The following HABP2 variants were observed in gnomAD, a reference collection of about 807,000 sequenced individuals.
HABP2 encodes the protein hyaluronan binding protein 2.
Under a neutral mutation model 66.5 loss-of-function variants are expected in HABP2, and 65 were observed. That is an observed-to-expected ratio of 0.98 (90% CI 0.80 to 1.20). The LOEUF (loss-of-function observed/expected upper bound fraction) is 1.20, where lower values mean the gene tolerates loss of function less well. HABP2 is among the 50% of genes most tolerant of loss of function. The pLI is 0.00. For missense variants in HABP2, 786 were observed against 691.0 expected, an observed-to-expected ratio of 1.14 and a Z score of -1.54; for synonymous variants, 263 against 253.9, an observed-to-expected ratio of 1.04 and a Z score of -0.34.
At chr10:113,579,777 GTTTGTT>G (rs1416471734) in intron 7 of HABP2, among the ~76,000 whole-genome samples, 2 of 149,696 alleles carry the variant, frequency 1.3e-5, no homozygotes, top group African/African-American at 2.4e-5. Context: ...TTTTTTGTTT[GTTTGTT>G]TTTGTTTTTG....
intron 1 of HABP2, among the ~76,000 whole-genome samples, chr10:113,553,817 A>G (rs1844942833): frequency 6.6e-6 from 1 of 152,174 alleles, no homozygotes; most frequent in African/African-American, 2.4e-5. Context: ...CCCATCAGAG[A>G]GTCTTGAACG....
intron 8 of HABP2, among the ~76,000 whole-genome samples, chr10:113,581,629 C>T (rs1250338928): frequency 6.6e-6 from 1 of 152,230 alleles, no homozygotes. Context: ...TCTTAGGAGT[C>T]ACATACTTTG....
intron 11 of HABP2, 117 bp from the exon 12 acceptor site, chr10:113,585,676 C>A: frequency 1.3e-6 from 1 of 756,872 alleles, no homozygotes; most frequent in Non-Finnish European, 2.3e-6. Flanking sequence ...CCTGGAAAAA[C>A]CCTTCCCTTC....
intron 2 of HABP2, among the ~76,000 whole-genome samples, chr10:113,567,907 A>G (rs1845229767): frequency 6.6e-6 from 1 of 152,254 alleles, no homozygotes; most frequent in Non-Finnish European, 1.5e-5. Context: ...GCATGGCTCC[A>G]GGCAGGCCGC....
intron 7 of HABP2, among the ~76,000 whole-genome samples, chr10:113,580,340 T>C (rs1447887809): frequency 6.6e-6 from 1 of 152,250 alleles, no homozygotes; most frequent in East Asian, 1.9e-4. Context: ...TAATTTGGTA[T>C]GTCCTGTGGA....
At chr10:113,560,609 G>A (rs1288580206) in intron 1 of HABP2, among the ~76,000 whole-genome samples, 1 of 152,214 alleles carries the variant, frequency 6.6e-6, no homozygotes, top group Non-Finnish European at 1.5e-5. Flanking sequence ...GCCAAAAGGT[G>A]TAAATGACCC....
intron 1 of HABP2, among the ~76,000 whole-genome samples, chr10:113,561,811 C>T (rs1474596991): frequency 2.0e-5 from 3 of 152,124 alleles, no homozygotes; most frequent in African/African-American, 7.2e-5. Context: ...TTTTGGAATT[C>T]TGGAAGGCAG....
intron 5 of HABP2, 49 bp from the exon 6 acceptor site, chr10:113,577,977 C>A: frequency 6.2e-7 from 1 of 1,602,574 alleles, no homozygotes; most frequent in Admixed American, 1.7e-5. Context: ...CAGACATGGG[C>A]TGCAACTCCT....
At chr10:113,576,091 T>A in intron 4 of HABP2, 87 bp downstream of exon 4, 2 of 771,632 alleles carry the variant, frequency 2.6e-6, no homozygotes, top group South Asian at 3.1e-5. Context: ...CGCAATGCCA[T>A]GGAAAGGATT....
chr10:113,588,840 G>GTTAT lies in HABP2; in HGVS notation c.*473_*476dup, dbSNP rs1418691327. 1.4e-6 allele frequency: 1 copy of GTTAT among 699,894 alleles called. No homozygotes were observed. The highest frequency in any genetic ancestry group is 1.8e-5 in the African/African-American group (1 of 56,200). The allele number at this position is 699,894 out of a possible 1,614,324, so 43.4% of individuals were successfully genotyped here. A position where few individuals can be genotyped will look rare whatever the true frequency, so the allele number is the denominator to read the frequency against. Reference sequence around the variant, plus strand: ...ACAACATTCTCCATCTGCTTTCAGAGTTATTATTTTAATAAAGGAAGATCT... The same window carrying GTTAT: ...ACAACATTCTCCATCTGCTTTCAGAGTTATTTATTATTTTAATAAAGGAAGATCT... On this transcript the variant is annotated 3_prime_UTR_variant, in exon 13 of 13. Transcript: ENST00000351270.
chr10:113,589,417 C>T lies in HABP2; in HGVS notation c.*1048C>T. On this transcript the variant is annotated 3_prime_UTR_variant, in exon 13 of 13. Coordinates refer to ENST00000351270, the MANE Select transcript of HABP2 (RefSeq NM_004132.5). ...CTGCCCTGGCCCGGGATTGATGTAGCCCCGGTAGGTTTGCCTCTGCAGAAC... is the reference window on the plus strand; with the variant it reads ...CTGCCCTGGCCCGGGATTGATGTAGTCCCGGTAGGTTTGCCTCTGCAGAAC... 1 of 586,262 alleles carries T rather than the reference C, an allele frequency of 1.7e-6. No individual in the cohort carries two copies. Among genetic ancestry groups the T allele is most frequent in the South Asian group, 2.2e-5 (1 of 46,044 alleles). The allele number at this position is 586,262 out of a possible 1,614,324, so 36.3% of individuals were successfully genotyped here.
intron 11 of HABP2, among the ~76,000 whole-genome samples, 192 bp from the exon 12 acceptor site, chr10:113,585,601 C>T (rs1342123879): frequency 6.6e-6 from 1 of 152,168 alleles, no homozygotes; most frequent in Non-Finnish European, 1.5e-5. Context: ...GTATCATGAC[C>T]AGCACAGGAT....
chr10:113,569,012 T>C (rs934255533), intron 2 of HABP2, among the ~76,000 whole-genome samples: 5 of 152,150 alleles, frequency 3.3e-5, no homozygotes, highest in African/African-American at 1.2e-4. Context: ...AATGTGCCCA[T>C]AGATTTATAG....
intron 1 of HABP2, among the ~76,000 whole-genome samples, chr10:113,553,925 G>A (rs991304318): frequency 6.6e-6 from 1 of 152,210 alleles, no homozygotes; most frequent in Non-Finnish European, 1.5e-5. Context: ...TGTGGGCATG[G>A]AAAGAGGACC....
upstream of HABP2, among the ~76,000 whole-genome samples, chr10:113,552,792 C>T (rs1844920436): frequency 6.6e-6 from 1 of 152,140 alleles, no homozygotes; most frequent in Non-Finnish European, 1.5e-5. Context: ...GGATGCTAGT[C>T]ACGCTGTCAG....
At chr10:113,584,352 A>G (rs1409963578) in intron 11 of HABP2, 70 bp downstream of exon 11, 1 of 1,350,832 alleles carries the variant, frequency 7.4e-7, no homozygotes, top group South Asian at 1.2e-5. Context: ...GCCAAACTCA[A>G]CTGCCCTTTT....
At chr10:113,567,072 A>C (rs988843443) in intron 1 of HABP2, among the ~76,000 whole-genome samples, 2 of 152,184 alleles carry the variant, frequency 1.3e-5, no homozygotes, top group African/African-American at 4.8e-5. Flanking sequence ...TCCGAGTCCA[A>C]ATTTTCTCAT....
At chr10:113,556,804 CTTTTTTT>C (rs66685949) in intron 1 of HABP2, among the ~76,000 whole-genome samples, 6 of 105,134 alleles carry the variant, frequency 5.7e-5, no homozygotes, top group South Asian at 3.4e-4. Context: ...TTCTTTTATT[CTTTTTTT>C]TTTTTTTTTT....
chr10:113,571,948 C>T (rs753910009), intron 2 of HABP2, among the ~76,000 whole-genome samples: 2 of 152,184 alleles, frequency 1.3e-5, no homozygotes, highest in Non-Finnish European at 2.9e-5. Flanking sequence ...ATGGGAAAGA[C>T]AAAATAAGGT....
Sources: allele counts gnomAD v4.1 joint callset (sites outside exome capture counted in the v4.1 genomes callset), GRCh38; gene constraint gnomAD v4.1.1; transcripts MANE v1.5; gene names NCBI Gene and HGNC (gene_info 2026-07-23, HGNC 2026-07-21).